XRN2: variants seen among roughly 807,000 people sequenced by gnomAD.
XRN2 encodes DHM1-like protein.
Under a neutral mutation model 138.5 loss-of-function variants are expected in XRN2, and 44 were observed. The observed-to-expected ratio is 0.32, with a 90% CI of 0.25 to 0.41. The LOEUF is 0.41. Among genes scored for constraint, XRN2 ranks in the 10% least tolerant of loss-of-function variants. The probability of loss-of-function intolerance (pLI) is 1.00; values close to 1 mark genes in which losing one functional copy is unlikely to be tolerated. For missense variants in XRN2, 937 were observed against 1,169.3 expected, an observed-to-expected ratio of 0.80 and a Z score of 2.90; for synonymous variants, 354 against 369.4, an observed-to-expected ratio of 0.96 and a Z score of 0.48.
chr20:21,326,434 T>G (rs547728016), intron 2 of XRN2, 28 bp downstream of exon 2: 130 of 1,613,584 alleles, frequency 8.1e-5, no homozygotes, highest in Non-Finnish European at 1.1e-4. Context: ...GTCACTGATA[T>G]AGCAAATCAC....
At position 21,348,270 on chromosome 20, in the gene XRN2, A is replaced by T. The variant is rs752556574; in HGVS notation, c.1773+17A>T. The T allele has an allele frequency of 2.5e-6, 4 of 1,611,838 alleles. No homozygotes were observed. Among genetic ancestry groups the T allele is most frequent in the African/African-American group, 2.7e-5 (2 of 74,726 alleles). ...ACGAAACCGGTAAGCTTAATTACTT[A>T]AAGTCATAAAGTTTATAGAATTCTG... On this transcript the variant is annotated intron_variant, in intron 18 of 29. Transcript: ENST00000377191.
chr20:21,382,534 T>C (rs1365689327), intron 28 of XRN2, among the ~76,000 whole-genome samples: 2 of 152,206 alleles, frequency 1.3e-5, no homozygotes, highest in East Asian at 1.9e-4. Flanking sequence ...GACAAGCCTA[T>C]TGTAGGGCAG....
intron 1 of XRN2, among the ~76,000 whole-genome samples, chr20:21,315,773 C>G (rs1320864714): frequency 6.6e-6 from 1 of 152,218 alleles, no homozygotes. Context: ...GTTGGGATTA[C>G]AGGCGTGAGC....
At chr20:21,345,766 T>C (rs1746453058) in intron 16 of XRN2, among the ~76,000 whole-genome samples, 1 of 152,198 alleles carries the variant, frequency 6.6e-6, no homozygotes, top group African/African-American at 2.4e-5. Flanking sequence ...TGTGTATGTA[T>C]ACATAGATAT....
At chr20:21,320,305 A>ATTTATTTATTTC (rs2038021421) in intron 1 of XRN2, among the ~76,000 whole-genome samples, 1 of 151,056 alleles carries the variant, frequency 6.6e-6, no homozygotes, top group South Asian at 2.1e-4. Context: ...GTATTTATTT[A>ATTTATTTATTTC]TTTATTTATT....
intron 14 of XRN2, 114 bp downstream of exon 14, chr20:21,339,202 A>G: frequency 9.8e-7 from 1 of 1,023,942 alleles, no homozygotes; most frequent in Non-Finnish European, 1.4e-6. Context: ...TCAGGGACGT[A>G]AGTGTCCACC....
At chr20:21,382,145 G>T in intron 28 of XRN2, 88 bp downstream of exon 28, 2 of 1,111,154 alleles carry the variant, frequency 1.8e-6, no homozygotes, top group Non-Finnish European at 1.3e-6. Context: ...AAACCTCTGT[G>T]GTTTGAAATG....
At chr20:21,350,338 AAC>A (rs1445758352) in intron 20 of XRN2, among the ~76,000 whole-genome samples, 1 of 152,024 alleles carries the variant, frequency 6.6e-6, no homozygotes, top group African/African-American at 2.4e-5. Flanking sequence ...CATCCTGGCT[AAC>A]ACAGTGAAAC....
chr20:21,376,131 C>G (rs1007513282), intron 27 of XRN2, among the ~76,000 whole-genome samples: 2 of 152,150 alleles, frequency 1.3e-5, no homozygotes, highest in African/African-American at 4.8e-5. Context: ...AGCCACTGCC[C>G]CCAGCCACCA....
chr20:21,334,693 C>G (rs199842927), intron 13 of XRN2, among the ~76,000 whole-genome samples: 2 of 152,076 alleles, frequency 1.3e-5, no homozygotes, highest in African/African-American at 2.4e-5. Context: ...AAATTGATTG[C>G]ATATTATGGA....
chr20:21,341,862 A>T (rs1030791357), intron 15 of XRN2, among the ~76,000 whole-genome samples: 4 of 151,192 alleles, frequency 2.6e-5, no homozygotes, highest in Non-Finnish European at 4.4e-5. Context: ...TTTTTTTTTT[A>T]AATCTTGGGA....
chr20:21,331,820 T>C lies in XRN2; in HGVS notation c.700+2T>C. On this transcript the variant is annotated splice_donor_variant, in intron 8 of 29. Coordinates refer to ENST00000377191, the MANE Select transcript of XRN2 (RefSeq NM_012255.5). LOFTEE classifies it high-confidence loss of function. ...ATCATTGTTTATGTGGAGCAGATGG[T>C]AAGTTTCTTCTTTGGGATTTGCTTC... 1 of 1,611,730 alleles carries C rather than the reference T, an allele frequency of 6.2e-7. No individual in the cohort carries two copies. Among genetic ancestry groups the C allele is most frequent in the Non-Finnish European group, 8.5e-7 (1 of 1,179,396 alleles).
intron 13 of XRN2, among the ~76,000 whole-genome samples, chr20:21,337,668 G>A (rs1217886109): frequency 6.6e-6 from 1 of 152,160 alleles, no homozygotes; most frequent in Non-Finnish European, 1.5e-5. Flanking sequence ...TTATTGGAAC[G>A]ATAAGCTTGT....
chr20:21,338,966 C>A, intron 13 of XRN2, 78 bp from the exon 14 acceptor site: 1 of 1,397,338 alleles, frequency 7.2e-7, no homozygotes. Flanking sequence ...AGTTGTCTCC[C>A]AAATCATTCC....
chr20:21,321,301 C>CTGTGTGTGTGTG (rs61188840), intron 1 of XRN2, among the ~76,000 whole-genome samples: 3 of 121,424 alleles, frequency 2.5e-5, no homozygotes, highest in Non-Finnish European at 5.2e-5. Flanking sequence ...CTGTGCCTGG[C>CTGTGTGTGTGTG]TGTGTGTGTG....
At chr20:21,369,280 G>T (rs2038737076) in intron 27 of XRN2, among the ~76,000 whole-genome samples, 1 of 152,176 alleles carries the variant, frequency 6.6e-6, no homozygotes, top group Non-Finnish European at 1.5e-5. Context: ...ACTCCATTGT[G>T]TATATGTACC....
chr20:21,327,890 G>A (rs977915228), intron 3 of XRN2, among the ~76,000 whole-genome samples: 1 of 152,080 alleles, frequency 6.6e-6, no homozygotes, highest in Non-Finnish European at 1.5e-5. Context: ...CAGTAACTTC[G>A]AAAATCTTAC....
intron 20 of XRN2, among the ~76,000 whole-genome samples, chr20:21,350,925 T>C (rs976241634): frequency 2.0e-5 from 3 of 152,174 alleles, no homozygotes; most frequent in African/African-American, 7.2e-5. Context: ...ACATGTTAAA[T>C]GGATTGGAGA....
At chr20:21,369,921 G>A (rs972419651) in intron 27 of XRN2, among the ~76,000 whole-genome samples, 1 of 152,128 alleles carries the variant, frequency 6.6e-6, no homozygotes, top group African/African-American at 2.4e-5. Flanking sequence ...TGCTTGTGGG[G>A]TATTGCTCAA....
Sources: allele counts gnomAD v4.1 joint callset (sites outside exome capture counted in the v4.1 genomes callset), GRCh38; gene constraint gnomAD v4.1.1; transcripts MANE v1.5; gene names NCBI Gene and HGNC (gene_info 2026-07-23, HGNC 2026-07-21).